COL21A1: variants seen among roughly 807,000 people sequenced by gnomAD.
The protein encoded by COL21A1 is collagen type XXI alpha 1 chain.
COL21A1 carries 149 observed loss-of-function variants against 137.9 expected under a neutral mutation model. The ratio of observed to expected loss-of-function variants is 1.08; its 90% confidence interval spans 0.95 to 1.24. The LOEUF (loss-of-function observed/expected upper bound fraction) is 1.24. COL21A1 is among the 50% of genes most tolerant of loss of function. COL21A1 has a pLI of 0.00. For synonymous variants in COL21A1, 456 were observed against 391.5 expected (o/e 1.16, Z -1.95); for missense variants, 1,167 against 1,158.4 (o/e 1.01, Z -0.11).
At chr6:56,214,859 A>C (rs1001704442) in intron 1 of COL21A1, among the ~76,000 whole-genome samples, 1 of 152,040 alleles carries the variant, frequency 6.6e-6, no homozygotes, top group Non-Finnish European at 1.5e-5. Context: ...CCAGTCTTTG[A>C]CTTTGCTTCA....
At chr6:56,220,409 CAAAG>C (rs1168753022) in intron 1 of COL21A1, among the ~76,000 whole-genome samples, 3 of 152,130 alleles carry the variant, frequency 2.0e-5, no homozygotes, top group Admixed American at 6.6e-5. Flanking sequence ...TATTAAAACA[CAAAG>C]GAAGTTTAAA....
chr6:56,257,925 A>G (rs1387732052), intron 1 of COL21A1, among the ~76,000 whole-genome samples: 2 of 152,146 alleles, frequency 1.3e-5, no homozygotes, highest in Admixed American at 6.5e-5. Flanking sequence ...TCAGTCAGAA[A>G]TTATACAGTG....
chr6:56,322,106 G>A (rs1764883062), intron 1 of COL21A1, among the ~76,000 whole-genome samples: 1 of 152,076 alleles, frequency 6.6e-6, no homozygotes, highest in African/African-American at 2.4e-5. Flanking sequence ...AAAAGGTCAT[G>A]GTCACTGGTG....
At chr6:56,113,949 G>C (rs1346852084) in intron 16 of COL21A1, among the ~76,000 whole-genome samples, 1 of 152,194 alleles carries the variant, frequency 6.6e-6, no homozygotes, top group Non-Finnish European at 1.5e-5. Flanking sequence ...GCTAGGGGTG[G>C]TGGTGGATAT....
chr6:56,288,788 G>C (rs1363397569), intron 1 of COL21A1, among the ~76,000 whole-genome samples: 1 of 152,296 alleles, frequency 6.6e-6, no homozygotes, highest in East Asian at 1.9e-4. Flanking sequence ...AGACAATACT[G>C]TGCTAAAAGT....
At position 56,074,261 on chromosome 6, in the gene COL21A1, G is replaced by T. The variant is rs191626317; in HGVS notation, c.1936C>A (p.Pro646Thr). ...MPGLMGSNGS[P>T]GQPGTPGSKG... ...GATCCCGGTGTTCCAGGCTGGCCTG[G>T]TGAGCCATTGCTTCCCATTAAACCC... Residue 646 changes from proline to threonine, a missense_variant, in exon 20 of 30, where the codon CCA (proline) becomes ACA (threonine). Coordinates refer to ENST00000244728, the MANE Select transcript of COL21A1 (RefSeq NM_030820.4). 332 of 1,592,606 alleles carry T rather than the reference G, an allele frequency of 2.1e-4. No homozygotes were observed. In the African/African-American group the frequency reaches 4.2e-3, roughly 20 times the overall value.
At chr6:56,240,927 C>G (rs1224174717) in intron 1 of COL21A1, among the ~76,000 whole-genome samples, 1 of 152,122 alleles carries the variant, frequency 6.6e-6, no homozygotes, top group East Asian at 1.9e-4. Flanking sequence ...TGTTTGCTGT[C>G]GTTACAAAAA....
Position 56,059,357 on chromosome 6 carries a change from G to T in COL21A1, c.2609-115C>A. The T allele has an allele frequency of 6.4e-6, 4 of 629,870 alleles. No individual in the cohort carries two copies. The East Asian group carries it at 1.3e-4, about 21-fold the overall frequency. 39.0% of individuals were successfully genotyped at this position (629,870 alleles called of 1,614,324 possible). ...AAAAATGTCTTTTAAAAACCAGCTT[G>T]CCATCTATTTTTTCTTACTAATGGA... On this transcript the variant is annotated intron_variant, in intron 28 of 29. Transcript: ENST00000244728.
intron 1 of COL21A1, among the ~76,000 whole-genome samples, chr6:56,228,595 T>C (rs184609371): frequency 4.8e-5 from 7 of 146,290 alleles, no homozygotes; most frequent in Admixed American, 2.1e-4. Context: ...ATGAAATTTG[T>C]GCTTAATTTT....
intron 24 of COL21A1, among the ~76,000 whole-genome samples, chr6:56,063,621 A>G (rs1183922730): frequency 2.0e-5 from 3 of 151,894 alleles, no homozygotes; most frequent in African/African-American, 7.3e-5. Flanking sequence ...CTAAATTCTC[A>G]ATTCTTCTTA....
At chr6:56,286,312 T>C (rs9370505) in intron 1 of COL21A1, among the ~76,000 whole-genome samples, 104,164 of 152,148 alleles carry the variant, frequency 0.68, 36,679 homozygotes, top group African/African-American at 0.76. Context: ...CTAATTTGTA[T>C]ACAAACACAT....
At chr6:56,132,603 G>A (rs756170087) in intron 12 of COL21A1, among the ~76,000 whole-genome samples, 40 of 152,144 alleles carry the variant, frequency 2.6e-4, no homozygotes, top group Non-Finnish European at 5.3e-4. Context: ...GGTATTCCAT[G>A]AATACTATGG....
chr6:56,292,504 C>T (rs531474045), intron 1 of COL21A1, among the ~76,000 whole-genome samples: 2 of 150,514 alleles, frequency 1.3e-5, no homozygotes, highest in Admixed American at 6.8e-5. Context: ...GTTTTTCCCC[C>T]ATGCAGGTGC....
intron 1 of COL21A1, among the ~76,000 whole-genome samples, chr6:56,349,182 G>C (rs1765657753): frequency 6.6e-6 from 1 of 152,158 alleles, no homozygotes; most frequent in Non-Finnish European, 1.5e-5. Context: ...CCACTGCACT[G>C]ATAAAATAAA....
chr6:56,124,090 T>C lies in COL21A1; in HGVS notation c.1730A>G (p.Asp577Gly), dbSNP rs1308248924. Residue 577 changes from aspartate to glycine, a missense_variant, in exon 16 of 30, where the codon GAT (aspartate) becomes GGT (glycine). Transcript: ENST00000244728. ...GAAACCGGGACTACCCATTAATCCA[T>C]CCTTTCCATGTCTTCCTGGTTCTCC... is the stretch of plus-strand genomic sequence containing the variant. ...PAGEPGRHGK[D>G]GLMGSPGFKG... 1 of 1,533,794 alleles carries C rather than the reference T, an allele frequency of 6.5e-7. No homozygotes were observed. The highest frequency in any genetic ancestry group is 2.1e-5 in the Admixed American group (1 of 48,018).
rs1011443584 is a variant in COL21A1 at position 56,125,710 on chromosome 6, A to G, written c.1597-90T>C. On this transcript the variant is annotated intron_variant, in intron 13 of 29. Coordinates refer to ENST00000244728, the MANE Select transcript of COL21A1 (RefSeq NM_030820.4). ...ATACAGATTATAAGCAAAAGAGTTT[A>G]ATATGCCAAAAGCAAAACAAAATAG... 4 of 788,544 alleles carry G rather than the reference A, an allele frequency of 5.1e-6. No homozygotes were observed. The Admixed American group carries it at 1.4e-4, about 27-fold the overall frequency. The allele number at this position is 788,544 out of a possible 1,614,324, so 48.8% of individuals were successfully genotyped here.
chr6:56,264,757 T>C (rs186826726), intron 1 of COL21A1, among the ~76,000 whole-genome samples: 1 of 152,294 alleles, frequency 6.6e-6, no homozygotes, highest in Non-Finnish European at 1.5e-5. Flanking sequence ...CACCCTAAAT[T>C]TAATCCATAT....
intron 1 of COL21A1, among the ~76,000 whole-genome samples, chr6:56,278,481 G>T (rs1406772332): frequency 6.6e-6 from 1 of 152,086 alleles, no homozygotes; most frequent in Admixed American, 6.5e-5. Flanking sequence ...TATAAACACT[G>T]CATACCCCAC....
chr6:56,170,842 G>A lies in COL21A1; in HGVS notation c.833C>T (p.Pro278Leu). The change falls in exon 5 of 30, where the codon CCT (proline) becomes CTT (leucine). Residue 278 changes from proline (P) to leucine (L), a missense_variant. Physicochemically the swap from Pro to Leu is moderately conservative, Grantham distance 98. Coordinates refer to ENST00000244728, the MANE Select transcript of COL21A1 (RefSeq NM_030820.4). ...LTSNVFPEGL[P>L]PSYVFVSTQR... ...AGTAGACACAAATACATATGATGGAGGAAGACCTTCTGGGAAAACATTGCT... is the reference window on the plus strand; with the variant it reads ...AGTAGACACAAATACATATGATGGAAGAAGACCTTCTGGGAAAACATTGCT... 6.2e-7 allele frequency: 1 copy of A among 1,610,384 alleles called. No individual in the cohort carries two copies. The highest frequency in any genetic ancestry group is 8.5e-7 in the Non-Finnish European group (1 of 1,178,020).
Sources: allele counts gnomAD v4.1 joint callset (sites outside exome capture counted in the v4.1 genomes callset), GRCh38; gene constraint gnomAD v4.1.1; transcripts MANE v1.5; gene names NCBI Gene and HGNC (gene_info 2026-07-23, HGNC 2026-07-21).